The following VAV3 variants were observed in gnomAD, a reference collection of about 807,000 sequenced individuals.
VAV3 encodes guanine nucleotide exchange factor VAV3.
VAV3 carries 94 observed loss-of-function variants against 131.2 expected under a neutral mutation model. The observed-to-expected ratio is 0.72, with a 90% CI of 0.61 to 0.85. VAV3 has a LOEUF of 0.85. Ranked by LOEUF, VAV3 falls within the 40% of genes least tolerant of loss-of-function variation. The probability of loss-of-function intolerance (pLI) is 0.00; values close to 1 mark genes in which losing one functional copy is unlikely to be tolerated. For missense variants in VAV3, 939 were observed against 1,002.7 expected, an observed-to-expected ratio of 0.94 and a Z score of 0.86; for synonymous variants, 349 against 342.0, an observed-to-expected ratio of 1.02 and a Z score of -0.22.
chr1:107,952,485 T>TATATATATATATATATATATATACAC (rs1317970944), intron 1 of VAV3, among the ~76,000 whole-genome samples: 41 of 94,420 alleles, frequency 4.3e-4, no homozygotes, highest in African/African-American at 1.2e-3. Context: ...TATATATATA[T>TATATATATATATATATATATATACAC]ACACACATAA....
intron 25 of VAV3, among the ~76,000 whole-genome samples, chr1:107,591,090 A>G (rs1322242228): frequency 6.6e-6 from 1 of 152,122 alleles, no homozygotes; most frequent in African/African-American, 2.4e-5. Flanking sequence ...GAACCTTCAC[A>G]CAAACGACCT....
rs1664995081 is a variant in VAV3 at position 107,770,724 on chromosome 1, C to T, written c.560G>A (p.Cys187Tyr). The T allele has an allele frequency of 6.2e-7, 1 of 1,608,918 alleles. No individual in the cohort carries two copies. Among genetic ancestry groups the T allele is most frequent in the Non-Finnish European group, 8.5e-7 (1 of 1,177,266 alleles). The stretch of plus-strand genomic sequence containing the variant: ...ACAACTTCGTATATCATTTTCTGGA[C>T]ATTTCTGCAGTTAGAATTATCAAAA... Reference protein sequence around the residue: ...MKAEEAHQPKCPENDIRSCCL... With the variant: ...MKAEEAHQPKYPENDIRSCCL... Residue 187 changes from cysteine to tyrosine, a missense_variant, in exon 6 of 27, where the codon TGT (cysteine) becomes TAT (tyrosine). By Grantham distance (194) the Cys-to-Tyr change is radical. Coordinates refer to ENST00000370056, the MANE Select transcript of VAV3 (RefSeq NM_006113.5).
At chr1:107,850,244 T>G (rs1669157230) in intron 2 of VAV3, among the ~76,000 whole-genome samples, 1 of 152,180 alleles carries the variant, frequency 6.6e-6, no homozygotes. Context: ...GGATTATAAA[T>G]CATTCTACTA....
At position 107,749,534 on chromosome 1, in the gene VAV3, T is replaced by C. The variant is rs372234029; in HGVS notation, c.1320A>G (p.Glu440=). 25 of 1,612,176 alleles carry C rather than the reference T, an allele frequency of 1.6e-5. No homozygotes were observed. Among genetic ancestry groups the C allele is most frequent in the Non-Finnish European group, 2.1e-5 (25 of 1,179,436 alleles). Residue 440 remains glutamate (E), a synonymous_variant, in exon 14 of 27, where the codon GAA becomes GAG. Transcript: ENST00000370056. ...GCTGAAGATCTATTATTTCCTTCAT[T>C]TCATAGTTATCACCTTTTCTCTTAC... ...IVCKRKGDNY[E]MKEIIDLQQY...
chr1:107,820,841 G>A (rs572108228), intron 2 of VAV3: 6 of 152,022 alleles, frequency 3.9e-5, no homozygotes, highest in South Asian at 2.1e-4. Flanking sequence ...ATACTTAGAA[G>A]AAAAAATAGG....
At chr1:107,930,268 T>C (rs1017731350) in intron 1 of VAV3, among the ~76,000 whole-genome samples, 2 of 152,186 alleles carry the variant, frequency 1.3e-5, no homozygotes, top group African/African-American at 4.8e-5. Context: ...TGCATGCCTA[T>C]ATCAAAATAT....
At chr1:107,924,837 T>C (rs1260977444) in intron 1 of VAV3, among the ~76,000 whole-genome samples, 1 of 152,160 alleles carries the variant, frequency 6.6e-6, no homozygotes, top group Non-Finnish European at 1.5e-5. Context: ...ATATTAAGAA[T>C]ATTTAGGGAA....
At chr1:107,851,189 AAG>A (rs1669209518) in intron 2 of VAV3, among the ~76,000 whole-genome samples, 1 of 151,484 alleles carries the variant, frequency 6.6e-6, no homozygotes, top group Non-Finnish European at 1.5e-5. Flanking sequence ...AAAAAAAAAA[AAG>A]AAGCCGGCCC....
chr1:107,590,589 G>A (rs1340403386), intron 25 of VAV3, among the ~76,000 whole-genome samples: 2 of 152,088 alleles, frequency 1.3e-5, no homozygotes, highest in East Asian at 1.9e-4. Flanking sequence ...TTGAATATCC[G>A]CAGGTACCTA....
At chr1:107,573,490 A>T (rs1173080657) in intron 26 of VAV3, 118 bp from the exon 27 acceptor site, 2 of 1,178,100 alleles carry the variant, frequency 1.7e-6, no homozygotes, top group Non-Finnish European at 2.4e-6. Flanking sequence ...TTTTATGTCC[A>T]TTGTAGGTGA....
At chr1:107,930,583 T>G (rs1673382708) in intron 1 of VAV3, among the ~76,000 whole-genome samples, 2 of 152,228 alleles carry the variant, frequency 1.3e-5, no homozygotes, top group African/African-American at 4.8e-5. Context: ...GAAAAGATTC[T>G]TCTTTACAAA....
intron 19 of VAV3, among the ~76,000 whole-genome samples, chr1:107,645,399 T>C (rs926238268): frequency 4.6e-5 from 7 of 151,988 alleles, no homozygotes; most frequent in East Asian, 1.9e-4. Flanking sequence ...AATTTCAGCA[T>C]GATCTGTTGT....
At chr1:107,878,196 A>G (rs1670598308) in intron 1 of VAV3, among the ~76,000 whole-genome samples, 1 of 152,178 alleles carries the variant, frequency 6.6e-6, no homozygotes, top group South Asian at 2.1e-4. Context: ...TGAATTACAG[A>G]TAACACTTGA....
At chr1:107,648,657 A>G (rs527867687) in intron 19 of VAV3, among the ~76,000 whole-genome samples, 1 of 152,230 alleles carries the variant, frequency 6.6e-6, no homozygotes, top group Admixed American at 6.6e-5. Context: ...ACAATTTTAC[A>G]GAGTATTGTC....
chr1:107,591,626 C>A (rs755131931), intron 25 of VAV3, among the ~76,000 whole-genome samples: 1 of 152,128 alleles, frequency 6.6e-6, no homozygotes, highest in Non-Finnish European at 1.5e-5. Context: ...ATATAGCCAG[C>A]AAATGGGATC....
intron 15 of VAV3, among the ~76,000 whole-genome samples, chr1:107,711,146 C>A (rs1660759746): frequency 6.6e-6 from 1 of 152,046 alleles, no homozygotes; most frequent in African/African-American, 2.4e-5. Flanking sequence ...AATATTGGGA[C>A]TATCAGGAAA....
intron 15 of VAV3, among the ~76,000 whole-genome samples, chr1:107,734,384 T>G (rs996616296): frequency 5.9e-5 from 9 of 152,120 alleles, no homozygotes; most frequent in Admixed American, 3.9e-4. Context: ...GTAAATGGCC[T>G]AATCCCCCAA....
chr1:107,675,946 G>C (rs966784897), intron 19 of VAV3, among the ~76,000 whole-genome samples: 5 of 152,104 alleles, frequency 3.3e-5, no homozygotes, highest in African/African-American at 1.2e-4. Flanking sequence ...TCCTATTTTA[G>C]GTTCACTTCT....
chr1:107,824,294 A>C (rs145149150), intron 2 of VAV3, among the ~76,000 whole-genome samples: 24 of 152,328 alleles, frequency 1.6e-4, no homozygotes, highest in African/African-American at 5.5e-4. Context: ...TTTTTCTGAG[A>C]AAGGGAAATG....
Sources: allele counts gnomAD v4.1 joint callset (sites outside exome capture counted in the v4.1 genomes callset), GRCh38; gene constraint gnomAD v4.1.1; transcripts MANE v1.5; gene names NCBI Gene and HGNC (gene_info 2026-07-23, HGNC 2026-07-21).